NLGN1: variants seen among roughly 807,000 people sequenced by gnomAD.
NLGN1 encodes the protein neuroligin 1.
NLGN1 carries 12 observed loss-of-function variants against 65.5 expected under a neutral mutation model. The ratio of observed to expected loss-of-function variants is 0.18; its 90% CI spans 0.12 to 0.30. The LOEUF (loss-of-function observed/expected upper bound fraction) is 0.30, where lower values mean the gene tolerates loss of function less well. Among genes scored for constraint, NLGN1 ranks in the 10% least tolerant of loss-of-function variants. The pLI is 1.00. For missense variants in NLGN1, 750 were observed against 1,007.1 expected (o/e 0.74, Z 3.46); for synonymous variants, 350 against 359.5 (o/e 0.97, Z 0.30).
chr3:173,959,273 C>T (rs1345866915), intron 4 of NLGN1, among the ~76,000 whole-genome samples: 1 of 152,230 alleles, frequency 6.6e-6, no homozygotes, highest in Admixed American at 6.5e-5. Flanking sequence ...ACTGCTCCTT[C>T]CCACTGCAGC....
chr3:173,837,347 T>G (rs1400754149), intron 4 of NLGN1, among the ~76,000 whole-genome samples: 2 of 152,100 alleles, frequency 1.3e-5, no homozygotes, highest in African/African-American at 2.4e-5. Context: ...AATTTAAAAG[T>G]GTATCTATAT....
At chr3:174,289,897 TTATA>T (rs555893028), downstream of NLGN1, among the ~76,000 whole-genome samples, 124 of 125,968 alleles carry the variant, frequency 9.8e-4, 1 homozygote, top group African/African-American at 3.0e-3. Context: ...TGGGGGCACT[TTATA>T]TATATATATG....
chr3:174,033,719 A>G (rs1349832193), intron 4 of NLGN1, among the ~76,000 whole-genome samples: 2 of 152,218 alleles, frequency 1.3e-5, no homozygotes, highest in African/African-American at 4.8e-5. Context: ...GAAAGAATCA[A>G]TGAGCAGGAA....
intron 3 of NLGN1, among the ~76,000 whole-genome samples, chr3:173,746,490 C>T (rs369542264): frequency 1.3e-5 from 2 of 152,058 alleles, no homozygotes; most frequent in Non-Finnish European, 2.9e-5. Flanking sequence ...AGCCTTGTCC[C>T]GGTCTCTAGC....
intron 3 of NLGN1, among the ~76,000 whole-genome samples, chr3:173,666,787 T>A (rs1761757121): frequency 6.6e-6 from 1 of 152,168 alleles, no homozygotes; most frequent in African/African-American, 2.4e-5. Flanking sequence ...TTCATAATAG[T>A]TTTTTAATGG....
At chr3:173,657,752 A>T (rs755369219) in intron 3 of NLGN1, among the ~76,000 whole-genome samples, 1 of 151,916 alleles carries the variant, frequency 6.6e-6, no homozygotes, top group East Asian at 1.9e-4. Context: ...CAGTAGCAGG[A>T]TGGAAGAAAG....
intron 4 of NLGN1, among the ~76,000 whole-genome samples, chr3:174,144,504 A>T (rs1289534169): frequency 6.6e-6 from 1 of 152,160 alleles, no homozygotes; most frequent in Non-Finnish European, 1.5e-5. Context: ...GTCTTCCACA[A>T]CGGCTGAACT....
intron 2 of NLGN1, among the ~76,000 whole-genome samples, chr3:173,541,118 T>A (rs1333356820): frequency 2.0e-5 from 3 of 152,138 alleles, no homozygotes; most frequent in Non-Finnish European, 4.4e-5. Flanking sequence ...ATATAGGGAA[T>A]CTATAAGATA....
chr3:173,965,463 G>A (rs540879395), intron 4 of NLGN1, among the ~76,000 whole-genome samples: 6 of 150,410 alleles, frequency 4.0e-5, no homozygotes, highest in South Asian at 2.1e-4. Context: ...GATTACAGGC[G>A]TGTGCCACCA....
chr3:174,154,985 T>TTATTATAAA (rs1725124598), intron 4 of NLGN1, among the ~76,000 whole-genome samples: 10 of 137,440 alleles, frequency 7.3e-5, no homozygotes, highest in Admixed American at 5.4e-4. Flanking sequence ...ATATATTATA[T>TTATTATAAA]TATATATTAT....
intron 4 of NLGN1, among the ~76,000 whole-genome samples, chr3:174,243,219 T>C (rs909896272): frequency 6.6e-6 from 1 of 152,222 alleles, no homozygotes; most frequent in African/African-American, 2.4e-5. Context: ...GCCCTTTGCC[T>C]ATTGCTTTGA....
chr3:174,278,976 A>G (rs761688886), exon 6 of NLGN1: 6 of 1,565,930 alleles, frequency 3.8e-6, no homozygotes, highest in African/African-American at 1.4e-5. Flanking sequence ...GCAATGTTTC[A>G]GATACAGTAG....
At chr3:173,713,712 T>G (rs1769375476) in intron 3 of NLGN1, among the ~76,000 whole-genome samples, 1 of 152,158 alleles carries the variant, frequency 6.6e-6, no homozygotes, top group South Asian at 2.1e-4. Context: ...CTTGTGGGAA[T>G]TAAGTAGGCT....
At chr3:173,978,855 AAAATT>A (rs1718130805) in intron 4 of NLGN1, among the ~76,000 whole-genome samples, 1 of 150,974 alleles carries the variant, frequency 6.6e-6, no homozygotes, top group East Asian at 1.9e-4. Context: ...AAAAAAAAAA[AAAATT>A]AGCCACTTGT....
chr3:173,719,643 C>T (rs1474456410), intron 3 of NLGN1, among the ~76,000 whole-genome samples: 4 of 152,270 alleles, frequency 2.6e-5, no homozygotes, highest in African/African-American at 7.2e-5. Flanking sequence ...CAAAAAACCT[C>T]GTATAGTTGA....
chr3:173,663,463 A>G (rs1270843964), intron 3 of NLGN1, among the ~76,000 whole-genome samples: 1 of 152,052 alleles, frequency 6.6e-6, no homozygotes, highest in African/African-American at 2.4e-5. Flanking sequence ...CAACTTTTCA[A>G]AAACTTTATT....
At chr3:173,582,406 T>G (rs908432765) in intron 2 of NLGN1, among the ~76,000 whole-genome samples, 1 of 152,116 alleles carries the variant, frequency 6.6e-6, no homozygotes. Flanking sequence ...AACTGCTCTC[T>G]GAACTTGTAC....
At chr3:173,969,435 T>C (rs1031084960) in intron 4 of NLGN1, among the ~76,000 whole-genome samples, 2 of 152,162 alleles carry the variant, frequency 1.3e-5, no homozygotes, top group South Asian at 2.1e-4. Flanking sequence ...AATATTCATA[T>C]ATTACCCATT....
At position 173,480,239 on chromosome 3, in the gene NLGN1, A is replaced by G. The variant is rs1231540252; in HGVS notation, c.-321+45161A>G. Among the ~76,000 whole-genome samples the G allele has an allele frequency of 4.6e-5, 7 of 152,216 alleles. No individual in the cohort carries two copies. The East Asian group carries it at 7.7e-4, about 17-fold the overall frequency. On this transcript the variant is annotated intron_variant, in intron 2 of 6. Coordinates refer to ENST00000457714, the Ensembl canonical transcript of NLGN1. ...CTAGCCACAAACAAGGTATTGCATT[A>G]TGGAGTCATAGACTGAGAATCAGAT...
Sources: gnomAD v4.1 joint callset for allele counts (sites outside exome capture counted in the v4.1 genomes callset) on GRCh38, gnomAD v4.1.1 for gene constraint, MANE v1.5 for transcripts, NCBI Gene and HGNC (gene_info 2026-07-23, HGNC 2026-07-21) for gene names.